MAP3K1: variants seen among roughly 807,000 people sequenced by gnomAD.
The protein encoded by MAP3K1 is mitogen-activated protein kinase kinase kinase 1, also known as MAP/ERK kinase kinase 1.
MAP3K1 carries 36 observed loss-of-function variants against 144.2 expected under a neutral mutation model. The ratio of observed to expected loss-of-function variants is 0.25; its 90% CI spans 0.19 to 0.33. The LOEUF is 0.33. Ranked by LOEUF, MAP3K1 falls within the 10% of genes least tolerant of loss-of-function variation. MAP3K1 has a pLI of 1.00. For missense variants in MAP3K1, 1,650 were observed against 1,881.9 expected, an observed-to-expected ratio of 0.88 and a Z score of 2.28; for synonymous variants, 718 against 688.7, an observed-to-expected ratio of 1.04 and a Z score of -0.67.
chr5:56,892,049 G>A (rs1004752637), intron 19 of MAP3K1, among the ~76,000 whole-genome samples: 3 of 152,100 alleles, frequency 2.0e-5, no homozygotes, highest in Non-Finnish European at 4.4e-5. Flanking sequence ...AACTTAAGTA[G>A]TTTTTTCCAA....
chr5:56,857,792 A>G (rs889340664), intron 2 of MAP3K1, among the ~76,000 whole-genome samples: 1 of 152,212 alleles, frequency 6.6e-6, no homozygotes, highest in Admixed American at 6.5e-5. Flanking sequence ...TGACTTAAAT[A>G]ACTCAATAAT....
At position 56,887,540 on chromosome 5, in the gene MAP3K1, G is replaced by A. The variant is rs1748414084; in HGVS notation, c.4257+20G>A. 6.2e-7 allele frequency: 1 copy of A among 1,613,710 alleles called. No individual in the cohort carries two copies. Among genetic ancestry groups the A allele is most frequent in the South Asian group, 1.1e-5 (1 of 91,068 alleles). ...CCTGAGGTGAGAAGCATCTTTGAGT[G>A]TGATGACAGAAAATATTTTGGAATT... is the stretch of plus-strand genomic sequence containing the variant. On this transcript the variant is annotated intron_variant, in intron 18 of 19. Transcript: ENST00000399503.
intron 11 of MAP3K1, 88 bp downstream of exon 11, chr5:56,879,189 C>T: frequency 1.4e-6 from 2 of 1,423,726 alleles, no homozygotes; most frequent in Non-Finnish European, 9.9e-7. Flanking sequence ...ATATCTGATA[C>T]ATTTTATTAA....
intron 1 of MAP3K1, among the ~76,000 whole-genome samples, chr5:56,825,830 T>A (rs1264560498): frequency 6.6e-6 from 1 of 152,150 alleles, no homozygotes; most frequent in African/African-American, 2.4e-5. Flanking sequence ...ACCCTCAGAA[T>A]GAAGTCCAGA....
At chr5:56,849,374 T>G (rs1487251228) in intron 1 of MAP3K1, among the ~76,000 whole-genome samples, 1 of 149,938 alleles carries the variant, frequency 6.7e-6, no homozygotes, top group African/African-American at 2.5e-5. Flanking sequence ...AAAAAAAGAA[T>G]CAATCCTTTG....
chr5:56,860,045 G>GT, intron 3 of MAP3K1, 130 bp downstream of exon 3: 1 of 830,948 alleles, frequency 1.2e-6, no homozygotes, highest in Non-Finnish European at 2.0e-6. Flanking sequence ...CCTGAGGATG[G>GT]GGGGGGTGGT....
chr5:56,816,796 G>A (rs576991804), intron 1 of MAP3K1, among the ~76,000 whole-genome samples: 2 of 152,360 alleles, frequency 1.3e-5, no homozygotes, highest in South Asian at 4.1e-4. Flanking sequence ...CCCCCAAGGG[G>A]CTTTGAGTGT....
In MAP3K1 at chr5:56,815,590, G is replaced by A; in HGVS notation, c.17G>A (p.Gly6Glu). 1.5e-6 allele frequency: 2 copies of A among 1,294,892 alleles called. No individual in the cohort carries two copies. The highest frequency in any genetic ancestry group is 2.0e-6 in the Non-Finnish European group (2 of 1,024,210). 80.2% of individuals were successfully genotyped at this position (1,294,892 alleles called of 1,614,324 possible). The change falls in exon 1 of 20, where the codon GGG becomes GAG. Residue 6 changes from glycine (G) to glutamate (E), a missense_variant. Physicochemically the swap from Gly to Glu is moderately conservative, Grantham distance 98 (BLOSUM62 -2). Around this residue, in one of 6 missense-constraint regions of MAP3K1, gnomAD observed 360 missense variants for 274.7 expected, o/e 1.31. Transcript: ENST00000399503. Reference sequence around the variant, plus strand: ...CGAGAGAAAATGGCGGCGGCGGCGGGGAATCGCGCCTCGTCGTCGGGATTC... The same window carrying A: ...CGAGAGAAAATGGCGGCGGCGGCGGAGAATCGCGCCTCGTCGTCGGGATTC... MAAAA[G>E]NRASSSGFPG...
intron 15 of MAP3K1, among the ~76,000 whole-genome samples, chr5:56,884,337 C>G (rs1748313563): frequency 6.6e-6 from 1 of 152,082 alleles, no homozygotes; most frequent in Non-Finnish European, 1.5e-5. Flanking sequence ...AACGAGCATA[C>G]TTAATCAGGA....
chr5:56,840,172 G>C (rs1203044054), intron 1 of MAP3K1, among the ~76,000 whole-genome samples: 1 of 151,958 alleles, frequency 6.6e-6, no homozygotes. Flanking sequence ...TTTTGAGATG[G>C]AGCCTTGCTC....
chr5:56,877,719 A>G (rs1748084334), intron 10 of MAP3K1, among the ~76,000 whole-genome samples: 1 of 152,148 alleles, frequency 6.6e-6, no homozygotes, highest in Non-Finnish European at 1.5e-5. Flanking sequence ...TGCCCTTCAT[A>G]GCTAAACTGC....
At chr5:56,856,496 A>G in intron 1 of MAP3K1, 104 bp from the exon 2 acceptor site, 2 of 972,904 alleles carry the variant, frequency 2.1e-6, no homozygotes, top group Non-Finnish European at 3.2e-6. Context: ...TTTTTATTAC[A>G]TGTCCGTTGG....
intron 18 of MAP3K1, 147 bp downstream of exon 18, chr5:56,887,667 T>G: frequency 3.5e-6 from 3 of 849,330 alleles, no homozygotes; most frequent in Non-Finnish European, 5.9e-6. Context: ...ATAATATCTT[T>G]CAGACCCTTA....
chr5:56,846,878 A>G (rs916410582), intron 1 of MAP3K1, among the ~76,000 whole-genome samples: 1 of 152,164 alleles, frequency 6.6e-6, no homozygotes, highest in Admixed American at 6.5e-5. Flanking sequence ...TCTTTTTCCA[A>G]ATTTGAACAG....
chr5:56,856,742 G>C lies in MAP3K1; in HGVS notation c.625G>C (p.Gly209Arg). The C allele has an allele frequency of 2.5e-6, 4 of 1,613,920 alleles. No homozygotes were observed. Among genetic ancestry groups the C allele is most frequent in the Non-Finnish European group, 3.4e-6 (4 of 1,179,836 alleles). ...HEWLERRNRR[G>R]PVVVKPIPVK... ...ATGGTTGGAAAGGAGAAATAGGCGA[G>C]GGCCTGTGGTAAGTGGCTATGGGTT... The change falls in exon 2 of 20, where the codon GGG becomes CGG. Residue 209 changes from glycine (G) to arginine (R), a missense_variant. Around this residue, in one of 6 missense-constraint regions of MAP3K1, gnomAD observed 148 missense variants for 177.2 expected, o/e 0.84. Transcript: ENST00000399503.
rs1290831160 is a variant in MAP3K1 at position 56,896,042 on chromosome 5, A to C, written c.*2362A>C. The C allele has an allele frequency of 7.0e-5, 16 of 228,908 alleles. No homozygotes were observed. The highest frequency in any genetic ancestry group is 2.6e-5 in the Non-Finnish European group (3 of 115,710). 14.2% of individuals were successfully genotyped at this position (228,908 alleles called of 1,614,324 possible). A position where few individuals can be genotyped will look rare whatever the true frequency, so the allele number is the denominator to read the frequency against. On this transcript the variant is annotated 3_prime_UTR_variant, in exon 20 of 20. Transcript: ENST00000399503. The stretch of plus-strand genomic sequence containing the variant: ...CTTAAATGTATCCTTTGTTATTTTA[A>C]ATATATTGAGATATTTTAATTAAAA...
At position 56,815,824 on chromosome 5, in the gene MAP3K1, C is replaced by T; in HGVS notation, c.251C>T (p.Pro84Leu). ...PEQPLFLAAS[P>L]PASSTSPSPE... ...CAGCCGCTCTTCCTTGCCGCCTCAC[C>T]GCCGGCCTCCTCGACTTCCCCGTCG... Residue 84 changes from proline (P) to leucine (L), a missense_variant, in exon 1 of 20, where the codon CCG (proline) becomes CTG (leucine). By Grantham distance (98) the Pro-to-Leu change is moderately conservative. Transcript: ENST00000399503. 2 of 1,417,498 alleles carry T rather than the reference C, an allele frequency of 1.4e-6. No individual in the cohort carries two copies. The highest frequency in any genetic ancestry group is 1.8e-6 in the Non-Finnish European group (2 of 1,082,134). The allele number at this position is 1,417,498 out of a possible 1,614,324, so 87.8% of individuals were successfully genotyped here.
Position 56,859,712 on chromosome 5 carries a change from C to A in MAP3K1, c.634-3C>A, listed in dbSNP as rs1747446209. The A allele has an allele frequency of 6.2e-7, 1 of 1,609,570 alleles. No individual in the cohort carries two copies. Among genetic ancestry groups the A allele is most frequent in the South Asian group, 1.1e-5 (1 of 90,898 alleles). ...ATCAAAATATTGGAATACTTTGATT[C>A]AGGTGGTAAAACCAATCCCAGTTAA... is the stretch of plus-strand genomic sequence containing the variant. On this transcript the variant is annotated splice_polypyrimidine_tract_variant and splice_region_variant and intron_variant, in intron 2 of 19. Transcript: ENST00000399503.
At chr5:56,827,531 CAT>C (rs1746355489) in intron 1 of MAP3K1, among the ~76,000 whole-genome samples, 1 of 152,322 alleles carries the variant, frequency 6.6e-6, no homozygotes, top group Non-Finnish European at 1.5e-5. Flanking sequence ...TTTGGAACTA[CAT>C]GTTTCCATTT....
Sources: allele counts gnomAD v4.1 joint callset (sites outside exome capture counted in the v4.1 genomes callset), GRCh38; gene constraint gnomAD v4.1.1; regional missense constraint gnomAD v4.1.1; transcripts MANE v1.5; gene names NCBI Gene and HGNC (gene_info 2026-07-23, HGNC 2026-07-21).